The following KIAA1217 variants were observed in gnomAD, a reference collection of about 807,000 sequenced individuals.
The protein encoded by KIAA1217 is sickle tail protein homolog.
Under a neutral mutation model 163.9 loss-of-function variants are expected in KIAA1217, and 88 were observed. The observed-to-expected ratio is 0.54, with a 90% CI of 0.45 to 0.64. The LOEUF (loss-of-function observed/expected upper bound fraction) is 0.64. Ranked by LOEUF, KIAA1217 falls within the 30% of genes least tolerant of loss-of-function variation. The pLI is 0.00. For missense variants in KIAA1217, 2,372 were observed against 2,475.0 expected (o/e 0.96, Z 0.88); for synonymous variants, 903 against 923.1 (o/e 0.98, Z 0.39).
intron 2 of KIAA1217, among the ~76,000 whole-genome samples, chr10:24,378,437 C>T (rs2052822961): frequency 6.6e-6 from 1 of 152,166 alleles, no homozygotes; most frequent in Non-Finnish European, 1.5e-5. Flanking sequence ...CCTGATGCCC[C>T]TTTAAACTCA....
intron 2 of KIAA1217, among the ~76,000 whole-genome samples, chr10:24,054,134 G>A (rs11013866): frequency 0.18 from 27,065 of 152,110 alleles, 4,150 homozygotes; most frequent in African/African-American, 0.42. Context: ...TGTGGGCTCT[G>A]TGACAAAAAT....
Position 24,294,545 on chromosome 10 carries a change from G to A in KIAA1217, c.354+74636G>A, listed in dbSNP as rs528566548. Among the ~76,000 whole-genome samples the A allele has an allele frequency of 9.9e-5, 15 of 152,250 alleles. 1 individual carries two copies. Among genetic ancestry groups the A allele is most frequent in the Admixed American group, 8.5e-4 (13 of 15,272 alleles). On this transcript the variant is annotated intron_variant, in intron 2 of 20. Transcript: ENST00000376454. ...TGGCAGTTAGCTACGTTCACACTGA[G>A]GAGGAAATAGACCACCGTGTATGCA...
At chr10:24,299,361 T>C (rs896171598) in intron 2 of KIAA1217, among the ~76,000 whole-genome samples, 8 of 152,208 alleles carry the variant, frequency 5.3e-5, no homozygotes, top group Non-Finnish European at 1.0e-4. Flanking sequence ...ACACCAAATA[T>C]CACAATCCTG....
intron 2 of KIAA1217, among the ~76,000 whole-genome samples, chr10:24,173,443 C>G (rs2065725502): frequency 6.6e-6 from 1 of 152,164 alleles, no homozygotes; most frequent in Admixed American, 6.5e-5. Flanking sequence ...GAATCATCCT[C>G]AAAACCACCC....
rs1266774577 is a variant in KIAA1217 at position 23,995,191 on chromosome 10, G to A, written c.-320-12034G>A. Among the ~76,000 whole-genome samples the A allele has an allele frequency of 2.6e-5, 4 of 152,238 alleles. No homozygotes were observed. In the East Asian group the frequency reaches 7.7e-4, roughly 29 times the overall value. The stretch of plus-strand genomic sequence containing the variant: ...TACAGGGGTGGCTCTGTTCCTCGGG[G>A]AGATCATGGTCTCCTGGAAGATCCT... On this transcript the variant is annotated intron_variant, in intron 1 of 18. Transcript: ENST00000376462.
At chr10:24,460,565 CT>C (rs2062300176) in intron 5 of KIAA1217, among the ~76,000 whole-genome samples, 1 of 152,136 alleles carries the variant, frequency 6.6e-6, no homozygotes, top group South Asian at 2.1e-4. Flanking sequence ...TCAGACAATC[CT>C]TTCTTCTCTT....
At chr10:24,312,487 C>T (rs141117951) in intron 2 of KIAA1217, among the ~76,000 whole-genome samples, 11,761 of 151,962 alleles carry the variant, frequency 0.077, 1,552 homozygotes, top group African/African-American at 0.27. Flanking sequence ...GGCGTGGTGG[C>T]GCATGCCTGT....
At chr10:23,753,074 A>G (rs904514753) in intron 1 of KIAA1217, among the ~76,000 whole-genome samples, 1 of 152,160 alleles carries the variant, frequency 6.6e-6, no homozygotes, top group Non-Finnish European at 1.5e-5. Context: ...CTTCAGTTTC[A>G]TGCTTCTTAT....
At chr10:24,248,563 A>AG (rs1642740230) in intron 2 of KIAA1217, among the ~76,000 whole-genome samples, 1 of 143,372 alleles carries the variant, frequency 7.0e-6, no homozygotes, top group East Asian at 2.3e-4. Context: ...CCCAGCTACT[A>AG]GGGGGGCTGA....
At chr10:23,711,180 A>G (rs1837230191) in intron 1 of KIAA1217, among the ~76,000 whole-genome samples, 3 of 152,192 alleles carry the variant, frequency 2.0e-5, no homozygotes, top group African/African-American at 7.2e-5. Context: ...AAGACATTAT[A>G]GGTGGAATGA....
At chr10:24,189,553 A>G (rs1213284902) in intron 2 of KIAA1217, among the ~76,000 whole-genome samples, 1 of 152,240 alleles carries the variant, frequency 6.6e-6, no homozygotes, top group Non-Finnish European at 1.5e-5. Context: ...CACAAGGGTC[A>G]TGGCTGATAC....
intron 1 of KIAA1217, among the ~76,000 whole-genome samples, chr10:23,951,432 T>C (rs1390710164): frequency 6.6e-6 from 1 of 152,170 alleles, no homozygotes; most frequent in African/African-American, 2.4e-5. Flanking sequence ...GGTGGGCAGA[T>C]TGCTTGAGCC....
chr10:24,135,236 A>G (rs991395775), intron 2 of KIAA1217, among the ~76,000 whole-genome samples: 5 of 152,214 alleles, frequency 3.3e-5, no homozygotes, highest in African/African-American at 1.2e-4. Context: ...CACACCAGTG[A>G]TGGTCCCCGT....
rs151322595 is a variant in KIAA1217, at chr10:24,170,125, T to C, written c.-170-49501T>C. Among the ~76,000 whole-genome samples, 875 of 152,328 alleles carry C rather than the reference T, an allele frequency of 5.7e-3. 3 individuals are homozygous for C. The highest frequency in any genetic ancestry group is 0.01 in the Middle Eastern group (3 of 294). ...CATCCATGCTTTATACAAAAACTCATATTAAATTAAGAGTAACATTTTCCA... is the reference window on the plus strand; with the variant it reads ...CATCCATGCTTTATACAAAAACTCACATTAAATTAAGAGTAACATTTTCCA... On this transcript the variant is annotated intron_variant, in intron 2 of 18. Coordinates refer to the KIAA1217 transcript ENST00000376462.
chr10:24,488,234 G>A (rs951593260), intron 6 of KIAA1217, among the ~76,000 whole-genome samples: 2 of 152,144 alleles, frequency 1.3e-5, no homozygotes, highest in Admixed American at 6.6e-5. Context: ...AATTTCTGTA[G>A]GGGTTGTAAG....
intron 3 of KIAA1217, among the ~76,000 whole-genome samples, chr10:24,383,039 G>A (rs914335333): frequency 1.3e-5 from 2 of 151,808 alleles, no homozygotes; most frequent in Admixed American, 1.3e-4. Flanking sequence ...TAGAGATGGG[G>A]TCTCACTATG....
chr10:24,520,344 C>A, intron 11 of KIAA1217, 91 bp downstream of exon 11: 2 of 1,513,922 alleles, frequency 1.3e-6, no homozygotes, highest in Admixed American at 1.9e-5. Flanking sequence ...TTCATGTATG[C>A]AAGTATTTAT....
At chr10:24,070,288 T>TA (rs56759196) in intron 2 of KIAA1217, among the ~76,000 whole-genome samples, 14,367 of 145,224 alleles carry the variant, frequency 0.099, 1,189 homozygotes, top group African/African-American at 0.23. Flanking sequence ...TCAGAATTGA[T>TA]AAAAAAAAAA....
At chr10:24,391,614 G>A (rs1053458786) in intron 3 of KIAA1217, among the ~76,000 whole-genome samples, 2 of 151,996 alleles carry the variant, frequency 1.3e-5, no homozygotes, top group African/African-American at 4.8e-5. Flanking sequence ...CAAAGTGATG[G>A]GATTACAGGT....
Sources: gnomAD v4.1 joint callset for allele counts (sites outside exome capture counted in the v4.1 genomes callset) on GRCh38, gnomAD v4.1.1 for gene constraint, MANE v1.5 for transcripts, NCBI Gene and HGNC (gene_info 2026-07-23, HGNC 2026-07-21) for gene names.